Variants in NAV2 observed in about 807,000 individuals in gnomAD.
The protein encoded by NAV2 is helicase, APC down-regulated 1.
A neutral mutation model predicts 223.2 loss-of-function variants in NAV2; 54 were observed. The observed-to-expected ratio is 0.24, with a 90% confidence interval of 0.19 to 0.30. NAV2 has a LOEUF of 0.30. NAV2 is among the 10% of genes least tolerant of loss of function. The pLI, the probability that NAV2 is intolerant of heterozygous loss-of-function variation, is 1.00. For missense variants in NAV2, 2,806 were observed against 3,147.5 expected (o/e 0.89, Z 2.60); for synonymous variants, 1,279 against 1,239.3 (o/e 1.03, Z -0.67).
intron 11 of NAV2, among the ~76,000 whole-genome samples, chr11:20,014,785 A>G (rs1837973): frequency 0.99 from 151,375 of 152,312 alleles, 75,232 homozygotes; most frequent in Middle Eastern, 1. Context: ...ACCTGTAGTC[A>G]CAGCTACTTG....
chr11:19,881,202 A>T (rs899739992), intron 5 of NAV2, among the ~76,000 whole-genome samples: 1 of 152,188 alleles, frequency 6.6e-6, no homozygotes, highest in African/African-American at 2.4e-5. Flanking sequence ...AGTTGTGATG[A>T]TGTTAAAACC....
intron 10 of NAV2, among the ~76,000 whole-genome samples, chr11:19,968,217 G>T (rs982522266): frequency 1.2e-4 from 19 of 152,134 alleles, no homozygotes; most frequent in Admixed American, 2.0e-4. Flanking sequence ...TTTGTTTTGA[G>T]ATAGAGTTTC....
intron 1 of NAV2, among the ~76,000 whole-genome samples, chr11:19,379,482 CCTT>C (rs758753038): frequency 7.8e-4 from 119 of 152,296 alleles, no homozygotes; most frequent in Middle Eastern, 3.4e-3. Flanking sequence ...TGGAAAATGT[CCTT>C]CTTCTGTCCA....
chr11:20,111,076 T>G (rs971143069), intron 36 of NAV2, among the ~76,000 whole-genome samples: 1 of 152,168 alleles, frequency 6.6e-6, no homozygotes, highest in African/African-American at 2.4e-5. Context: ...CTAGTGAGCA[T>G]AAGGTAGCAC....
intron 6 of NAV2, among the ~76,000 whole-genome samples, chr11:19,905,247 C>T (rs576667849): frequency 6.6e-6 from 1 of 152,192 alleles, no homozygotes; most frequent in Non-Finnish European, 1.5e-5. Flanking sequence ...TTGAACTTGC[C>T]AAGTTCATGC....
At chr11:19,616,273 A>G (rs2046786667) in intron 1 of NAV2, among the ~76,000 whole-genome samples, 1 of 145,850 alleles carries the variant, frequency 6.9e-6, no homozygotes, top group Non-Finnish European at 1.5e-5. Context: ...TCTCATTATC[A>G]GTGTTCAGAG....
chr11:19,888,011 A>G (rs1348367220), intron 5 of NAV2, among the ~76,000 whole-genome samples: 3 of 151,302 alleles, frequency 2.0e-5, no homozygotes, highest in Non-Finnish European at 4.4e-5. Context: ...ATGCACTCGT[A>G]GGTTATGTGC....
chr11:20,096,775 T>C (rs2061301420), intron 30 of NAV2, among the ~76,000 whole-genome samples: 1 of 152,244 alleles, frequency 6.6e-6, no homozygotes, highest in African/African-American at 2.4e-5. Flanking sequence ...GTCCCCATCC[T>C]GGTAAGCCAG....
intron 1 of NAV2, among the ~76,000 whole-genome samples, chr11:19,444,146 T>C (rs1851502351): frequency 6.6e-6 from 1 of 152,210 alleles, no homozygotes; most frequent in Admixed American, 6.5e-5. Context: ...TTTCACCATC[T>C]TGGGCAGGAT....
chr11:19,986,927 T>A (rs77416724), intron 11 of NAV2, among the ~76,000 whole-genome samples: 1 of 152,248 alleles, frequency 6.6e-6, no homozygotes, highest in Non-Finnish European at 1.5e-5. Context: ...AGTTACAAAA[T>A]CTATATTCTA....
At chr11:19,858,442 T>C (rs1334580357) in intron 3 of NAV2, among the ~76,000 whole-genome samples, 1 of 152,268 alleles carries the variant, frequency 6.6e-6, no homozygotes, top group East Asian at 1.9e-4. Flanking sequence ...TGCCACATTT[T>C]CTGTATCCAT....
chr11:20,069,851 G>A (rs1472944011), intron 22 of NAV2, among the ~76,000 whole-genome samples: 1 of 152,120 alleles, frequency 6.6e-6, no homozygotes, highest in Admixed American at 6.5e-5. Flanking sequence ...TTCCCAGCTT[G>A]AGCCTTAGTT....
intron 19 of NAV2, among the ~76,000 whole-genome samples, chr11:20,060,506 G>A (rs1004994144): frequency 1.5e-4 from 23 of 152,250 alleles, no homozygotes; most frequent in Non-Finnish European, 8.8e-5. Flanking sequence ...AGAAAGCACG[G>A]AGGAAAAGAT....
At chr11:19,983,076 A>G (rs1221591105) in intron 10 of NAV2, among the ~76,000 whole-genome samples, 2 of 152,070 alleles carry the variant, frequency 1.3e-5, no homozygotes, top group Non-Finnish European at 2.9e-5. Flanking sequence ...CCCATAAGGG[A>G]TTGAAGGGAT....
At chr11:19,627,375 C>T (rs1036743429) in intron 1 of NAV2, among the ~76,000 whole-genome samples, 42 of 151,496 alleles carry the variant, frequency 2.8e-4, no homozygotes, top group East Asian at 1.6e-3. Context: ...GACAACAGAG[C>T]GAGACTCTGT....
chr11:19,590,986 T>C (rs1395059305), intron 1 of NAV2, among the ~76,000 whole-genome samples: 47 of 152,236 alleles, frequency 3.1e-4, no homozygotes, highest in Admixed American at 3.1e-3. Context: ...AAACTTCCTA[T>C]ACAGAATCTT....
At chr11:19,862,942 G>A (rs1368412394) in intron 3 of NAV2, among the ~76,000 whole-genome samples, 2 of 152,140 alleles carry the variant, frequency 1.3e-5, no homozygotes, top group Non-Finnish European at 2.9e-5. Context: ...TTTGGAAAGA[G>A]ACAGAGGAAG....
chr11:20,054,062 T>G lies in NAV2; in HGVS notation c.4482-18T>G. On this transcript the variant is annotated intron_variant, in intron 17 of 37. Coordinates refer to ENST00000349880, the MANE Select transcript of NAV2 (RefSeq NM_145117.5). ...GCATTGTTCATAGTTAATTCCGGCT[T>G]GATTTCTGTCTGTCCAGGTATACTC... 1.2e-6 allele frequency: 2 copies of G among 1,611,202 alleles called. No homozygotes were observed. The highest frequency in any genetic ancestry group is 1.7e-6 in the Non-Finnish European group (2 of 1,179,338).
chr11:19,421,822 C>A (rs1005235332), intron 1 of NAV2, among the ~76,000 whole-genome samples: 2 of 119,740 alleles, frequency 1.7e-5, no homozygotes, highest in Non-Finnish European at 3.2e-5. Flanking sequence ...ATGACCATGA[C>A]CATTAACCCT....
Sources: allele counts gnomAD v4.1 joint callset (sites outside exome capture counted in the v4.1 genomes callset), GRCh38; gene constraint gnomAD v4.1.1; transcripts MANE v1.5; gene names NCBI Gene and HGNC (gene_info 2026-07-23, HGNC 2026-07-21).